The following EPB41L3 variants were observed in gnomAD, a reference collection of about 807,000 sequenced individuals.
EPB41L3 encodes erythrocyte membrane protein band 4.1 like 3, also known as band 4.1-like protein 3.
A neutral mutation model predicts 127.1 loss-of-function variants in EPB41L3; 57 were observed. The ratio of observed to expected loss-of-function variants is 0.45; its 90% CI spans 0.36 to 0.56. The LOEUF is 0.56. Ranked by LOEUF, EPB41L3 falls within the 20% of genes least tolerant of loss-of-function variation. The pLI, the probability that EPB41L3 is intolerant of heterozygous loss-of-function variation, is 0.00. For missense variants in EPB41L3, 1,273 were observed against 1,372.2 expected (o/e 0.93, Z 1.14); for synonymous variants, 572 against 549.5 (o/e 1.04, Z -0.57).
At chr18:5,470,830 T>A (rs2085994834) in intron 3 of EPB41L3, among the ~76,000 whole-genome samples, 1 of 152,190 alleles carries the variant, frequency 6.6e-6, no homozygotes, top group African/African-American at 2.4e-5. Context: ...CAGACAGTCC[T>A]GTACTGGGGT....
intron 3 of EPB41L3, among the ~76,000 whole-genome samples, chr18:5,561,951 G>C (rs908679867): frequency 6.6e-6 from 1 of 152,140 alleles, no homozygotes; most frequent in Non-Finnish European, 1.5e-5. Context: ...GACATTCTAC[G>C]AAATGATGAG....
At chr18:5,446,997 C>G (rs1725821343) in intron 3 of EPB41L3, among the ~76,000 whole-genome samples, 1 of 152,140 alleles carries the variant, frequency 6.6e-6, no homozygotes, top group Non-Finnish European at 1.5e-5. Context: ...ATTGGTTCTT[C>G]TGATGCTTCT....
chr18:5,405,767 C>T (rs4798351), intron 16 of EPB41L3, among the ~76,000 whole-genome samples: 3,240 of 149,266 alleles, frequency 0.022, 61 homozygotes, highest in South Asian at 0.073. Context: ...CAGAGAGAAA[C>T]ACCATCTCAA....
chr18:5,558,231 T>A (rs1785391), intron 3 of EPB41L3, among the ~76,000 whole-genome samples: 1 of 152,140 alleles, frequency 6.6e-6, no homozygotes, highest in African/African-American at 2.4e-5. Flanking sequence ...TTCCTTTGAA[T>A]GAATGCACTC....
chr18:5,503,787 C>T (rs556211236), intron 1 of EPB41L3, among the ~76,000 whole-genome samples: 5 of 152,202 alleles, frequency 3.3e-5, no homozygotes, highest in South Asian at 2.1e-4. Flanking sequence ...GATGGATATG[C>T]CATTTTGTTT....
intron 3 of EPB41L3, among the ~76,000 whole-genome samples, chr18:5,596,215 G>A (rs544711499): frequency 2.0e-5 from 3 of 152,240 alleles, no homozygotes; most frequent in South Asian, 2.1e-4. Context: ...TGTTCCTAGC[G>A]ATCACATCAG....
rs758487101 is a variant in EPB41L3, at chr18:5,478,434, G to A, written c.188C>T (p.Thr63Ile). 1.3e-5 allele frequency: 21 copies of A among 1,613,978 alleles called. No homozygotes were observed. In the East Asian group the frequency reaches 4.0e-4, roughly 31 times the overall value. The change falls in exon 3 of 23, where the codon ACT (threonine) becomes ATT (isoleucine). Residue 63 changes from threonine to isoleucine, a missense_variant. Physicochemically the swap from Thr to Ile is moderately conservative, Grantham distance 89. Around this residue, in one of 3 missense-constraint regions of EPB41L3, gnomAD observed 182 missense variants for 149.2 expected, o/e 1.22. Transcript: ENST00000341928. ...GGCAGCAAACTCCTGTTCCTTGTCAGTGACCTGTGAAGAGCAAACAATCAA... is the reference window on the plus strand; with the variant it reads ...GGCAGCAAACTCCTGTTCCTTGTCAATGACCTGTGAAGAGCAAACAATCAA... Reference protein sequence around the residue: ...AHSTPVRREVTDKEQEFAARA... With the variant: ...AHSTPVRREVIDKEQEFAARA...
At chr18:5,557,898 T>C (rs903493648) in intron 3 of EPB41L3, among the ~76,000 whole-genome samples, 1 of 152,246 alleles carries the variant, frequency 6.6e-6, no homozygotes, top group Non-Finnish European at 1.5e-5. Context: ...ACCCTGAGTT[T>C]TAACTATAAA....
At chr18:5,408,486 G>A (rs2075789468) in intron 14 of EPB41L3, among the ~76,000 whole-genome samples, 1 of 151,476 alleles carries the variant, frequency 6.6e-6, no homozygotes, top group African/African-American at 2.4e-5. Flanking sequence ...TGTTCACCAG[G>A]CTAGTCTTGA....
At chr18:5,441,220 T>C (rs910456101) in intron 5 of EPB41L3, among the ~76,000 whole-genome samples, 11 of 152,168 alleles carry the variant, frequency 7.2e-5, no homozygotes, top group African/African-American at 2.2e-4. Flanking sequence ...CTTAAGATAT[T>C]TGTTAGCTCG....
chr18:5,563,533 T>C lies in EPB41L3; in HGVS notation c.-306+48807A>G, dbSNP rs568055154. On this transcript the variant is annotated intron_variant, in intron 3 of 21. Coordinates refer to the EPB41L3 transcript ENST00000545076. ...TAGAGGTGGGAAAAAGCAAGATGGATTGAGGAATATGCAGGAGGAAAAAAC... is the reference window on the plus strand; with the variant it reads ...TAGAGGTGGGAAAAAGCAAGATGGACTGAGGAATATGCAGGAGGAAAAAAC... Among the ~76,000 whole-genome samples the C allele has an allele frequency of 2.0e-5, 3 of 152,266 alleles. No individual in the cohort carries two copies. In the South Asian group the frequency reaches 6.2e-4, roughly 32 times the overall value.
At chr18:5,529,327 T>C (rs1410896898) in intron 1 of EPB41L3, among the ~76,000 whole-genome samples, 2 of 91,102 alleles carry the variant, frequency 2.2e-5, no homozygotes, top group South Asian at 3.3e-4. Flanking sequence ...AATACATACA[T>C]ATATATATAT....
At chr18:5,569,290 A>G (rs939537085) in intron 3 of EPB41L3, among the ~76,000 whole-genome samples, 3 of 152,246 alleles carry the variant, frequency 2.0e-5, no homozygotes, top group African/African-American at 7.2e-5. Context: ...TATTATACAA[A>G]CTTAATCCAA....
intron 3 of EPB41L3, among the ~76,000 whole-genome samples, chr18:5,582,431 T>G (rs1031326100): frequency 1.3e-5 from 2 of 152,240 alleles, no homozygotes; most frequent in African/African-American, 4.8e-5. Context: ...ATCTGTGATT[T>G]AAATATTTAT....
intron 3 of EPB41L3, among the ~76,000 whole-genome samples, chr18:5,452,207 T>C (rs371600990): frequency 2.4e-4 from 37 of 152,240 alleles, no homozygotes; most frequent in African/African-American, 8.9e-4. Flanking sequence ...GGCTGAACAG[T>C]CACTTTAAAT....
At chr18:5,606,490 CTTA>C (rs145227199) in intron 3 of EPB41L3, among the ~76,000 whole-genome samples, 1,588 of 152,174 alleles carry the variant, frequency 0.01, 22 homozygotes, top group African/African-American at 0.03. Context: ...ATACATGTTA[CTTA>C]TTATTATTGA....
intron 3 of EPB41L3, among the ~76,000 whole-genome samples, chr18:5,564,870 T>C (rs1454125006): frequency 6.6e-6 from 1 of 152,124 alleles, no homozygotes; most frequent in Non-Finnish European, 1.5e-5. Context: ...TACTGGACAA[T>C]GCAAGGTGGC....
intron 1 of EPB41L3, among the ~76,000 whole-genome samples, chr18:5,499,640 G>A (rs1261291669): frequency 3.3e-5 from 5 of 151,618 alleles, no homozygotes; most frequent in African/African-American, 1.2e-4. Context: ...GGTGGCGGGC[G>A]CCTGTAGTCC....
chr18:5,555,471 CCTAAAAGGAG>C (rs1356586188), intron 3 of EPB41L3, among the ~76,000 whole-genome samples: 3 of 152,106 alleles, frequency 2.0e-5, no homozygotes, highest in Non-Finnish European at 4.4e-5. Flanking sequence ...GCACGTTAGC[CCTAAAAGGAG>C]CTGAAAAATG....
Sources: gnomAD v4.1 joint callset for allele counts (sites outside exome capture counted in the v4.1 genomes callset) on GRCh38, gnomAD v4.1.1 for gene constraint, gnomAD v4.1.1 regional missense constraint, MANE v1.5 for transcripts, NCBI Gene and HGNC (gene_info 2026-07-23, HGNC 2026-07-21) for gene names.